Variants in ABCA1 observed in about 807,000 individuals in gnomAD.
ABCA1 encodes the protein ATP binding cassette subfamily A member 1.
ABCA1 carries 133 observed loss-of-function variants against 262.5 expected under a neutral mutation model. The observed-to-expected ratio is 0.51, with a 90% confidence interval of 0.44 to 0.59. The LOEUF is 0.59. Ranked by LOEUF, ABCA1 falls within the 20% of genes least tolerant of loss-of-function variation. The pLI is 0.00. For missense variants in ABCA1, 2,452 were observed against 2,777.5 expected, an observed-to-expected ratio of 0.88 and a Z score of 2.63; for synonymous variants, 1,022 against 1,043.5, an observed-to-expected ratio of 0.98 and a Z score of 0.40.
chr9:104,877,236 T>C (rs1838240227), intron 5 of ABCA1, among the ~76,000 whole-genome samples: 2 of 152,224 alleles, frequency 1.3e-5, no homozygotes, highest in South Asian at 4.1e-4. Flanking sequence ...GGGAATAAAC[T>C]ATATAATACA....
chr9:104,804,789 G>A (rs1463510645), intron 31 of ABCA1, 69 bp from the exon 32 acceptor site: 1 of 1,315,954 alleles, frequency 7.6e-7, no homozygotes, highest in East Asian at 2.3e-5. Flanking sequence ...ACAAATCAAG[G>A]ACAACAGTGA....
chr9:104,868,138 T>C (rs914115296), intron 5 of ABCA1, among the ~76,000 whole-genome samples: 4 of 152,124 alleles, frequency 2.6e-5, no homozygotes, highest in Admixed American at 2.6e-4. Context: ...GACGGGTGGA[T>C]CAACTGAGGT....
chr9:104,857,228 G>A (rs1305504331), intron 7 of ABCA1, among the ~76,000 whole-genome samples: 1 of 152,030 alleles, frequency 6.6e-6, no homozygotes, highest in African/African-American at 2.4e-5. Flanking sequence ...ACTTAAGCCT[G>A]AGAGGCGGAG....
At chr9:104,841,105 G>T (rs1382972911) in intron 8 of ABCA1, among the ~76,000 whole-genome samples, 2 of 152,132 alleles carry the variant, frequency 1.3e-5, no homozygotes, top group Non-Finnish European at 2.9e-5. Context: ...CTTGGTCTCA[G>T]TAAAGTGTCA....
In ABCA1 at chr9:104,921,743, A is replaced by G. The variant is rs183989228; in HGVS notation, c.-93+6192T>C. On this transcript the variant is annotated intron_variant, in intron 1 of 49. Coordinates refer to ENST00000374736, the MANE Select transcript of ABCA1 (RefSeq NM_005502.4). ...GCTTCCCATTCTCCTTGTTGGACTTATTCAAGTCAGCATTTATTAAATTTT... is the reference window on the plus strand; with the variant it reads ...GCTTCCCATTCTCCTTGTTGGACTTGTTCAAGTCAGCATTTATTAAATTTT... Among the ~76,000 whole-genome samples, 24 of 152,360 alleles carry G rather than the reference A, an allele frequency of 1.6e-4. No homozygotes were observed. In the East Asian group the frequency reaches 2.7e-3, roughly 17 times the overall value.
At chr9:104,845,999 G>T (rs903799625) in intron 7 of ABCA1, among the ~76,000 whole-genome samples, 1 of 152,198 alleles carries the variant, frequency 6.6e-6, no homozygotes. Flanking sequence ...CAAAAATAGG[G>T]AAAGATGGAA....
chr9:104,893,805 C>A (rs181671699), intron 2 of ABCA1, among the ~76,000 whole-genome samples: 2 of 152,112 alleles, frequency 1.3e-5, no homozygotes, highest in Non-Finnish European at 2.9e-5. Flanking sequence ...TTTGACACCA[C>A]GGGTGACTCA....
At chr9:104,891,130 T>G (rs1839702168) in intron 2 of ABCA1, among the ~76,000 whole-genome samples, 1 of 152,246 alleles carries the variant, frequency 6.6e-6, no homozygotes, top group Non-Finnish European at 1.5e-5. Flanking sequence ...AATTGAACCT[T>G]TCTGCTAGGT....
At chr9:104,858,929 A>G (rs1738804014) in intron 6 of ABCA1, among the ~76,000 whole-genome samples, 1 of 152,340 alleles carries the variant, frequency 6.6e-6, no homozygotes, top group Non-Finnish European at 1.5e-5. Context: ...TTAACTCAGT[A>G]TCTCCCACAC....
intron 5 of ABCA1, among the ~76,000 whole-genome samples, chr9:104,867,526 C>T (rs1285293860): frequency 6.6e-6 from 1 of 152,134 alleles, no homozygotes; most frequent in African/African-American, 2.4e-5. Context: ...AAGGTATGCA[C>T]ATGTGTGTAT....
intron 1 of ABCA1, among the ~76,000 whole-genome samples, chr9:104,904,149 C>T (rs1840898114): frequency 6.6e-6 from 1 of 152,170 alleles, no homozygotes; most frequent in Non-Finnish European, 1.5e-5. Context: ...GAAAATGCCT[C>T]CCCTTACATA....
chr9:104,868,734 G>T (rs1383167864), intron 5 of ABCA1, among the ~76,000 whole-genome samples: 1 of 152,184 alleles, frequency 6.6e-6, no homozygotes, highest in African/African-American at 2.4e-5. Flanking sequence ...CAGGTGACAT[G>T]TGTGTTTGTG....
chr9:104,923,090 C>G (rs563205529), intron 1 of ABCA1, among the ~76,000 whole-genome samples: 1 of 152,316 alleles, frequency 6.6e-6, no homozygotes, highest in South Asian at 2.1e-4. Context: ...AATTTGATTT[C>G]TAAACAGTAA....
At chr9:104,802,801 G>A (rs1830452481) in intron 33 of ABCA1, among the ~76,000 whole-genome samples, 1 of 152,202 alleles carries the variant, frequency 6.6e-6, no homozygotes, top group Non-Finnish European at 1.5e-5. Context: ...CAAATGGGTT[G>A]AAATACAGTG....
At chr9:104,833,890 G>A (rs1833566745) in intron 11 of ABCA1, among the ~76,000 whole-genome samples, 1 of 152,092 alleles carries the variant, frequency 6.6e-6, no homozygotes, top group Non-Finnish European at 1.5e-5. Context: ...AGATCCAGAG[G>A]GGCCGAGGCA....
At chr9:104,893,368 G>A (rs562155061) in intron 2 of ABCA1, among the ~76,000 whole-genome samples, 1 of 126,158 alleles carries the variant, frequency 7.9e-6, no homozygotes, top group Admixed American at 1.0e-4. Context: ...GTTGGGGTGA[G>A]CCAAGATCGC....
chr9:104,923,721 T>C (rs771924874), intron 1 of ABCA1, among the ~76,000 whole-genome samples: 1 of 152,204 alleles, frequency 6.6e-6, no homozygotes, highest in Non-Finnish European at 1.5e-5. Context: ...CTAGGGACAA[T>C]AAATGGTTTT....
intron 35 of ABCA1, 148 bp downstream of exon 35, chr9:104,800,361 TA>T: frequency 3.9e-6 from 3 of 770,558 alleles, no homozygotes; most frequent in Non-Finnish European, 6.6e-6. Flanking sequence ...ATCACTACAC[TA>T]CACCGTACTG....
intron 39 of ABCA1, among the ~76,000 whole-genome samples, 189 bp from the exon 40 acceptor site, chr9:104,794,699 T>G (rs138879566): frequency 6.6e-6 from 1 of 152,194 alleles, no homozygotes. Flanking sequence ...TAGCTGATGA[T>G]ATGTAGCAAT....
Sources: allele counts gnomAD v4.1 joint callset (sites outside exome capture counted in the v4.1 genomes callset), GRCh38; gene constraint gnomAD v4.1.1; transcripts MANE v1.5; gene names NCBI Gene and HGNC (gene_info 2026-07-23, HGNC 2026-07-21).